The following ADCYAP1 variants were observed in gnomAD, a reference collection of about 807,000 sequenced individuals.
The protein encoded by ADCYAP1 is adenylate cyclase activating polypeptide 1, also known as pituitary adenylate cyclase-activating polypeptide.
Under a neutral mutation model 18.5 loss-of-function variants are expected in ADCYAP1, and 6 were observed. The observed-to-expected ratio is 0.32, with a 90% confidence interval of 0.18 to 0.64. The LOEUF is 0.64. ADCYAP1 is among the 30% of genes least tolerant of loss of function. The pLI, the probability that ADCYAP1 is intolerant of heterozygous loss-of-function variation, is 0.77. For missense variants in ADCYAP1, 314 were observed against 253.6 expected, an observed-to-expected ratio of 1.24 and a Z score of -1.62; for synonymous variants, 136 against 113.9, an observed-to-expected ratio of 1.19 and a Z score of -1.24.
chr18:904,833 G>T (rs1376354735), upstream of ADCYAP1: 1 of 1,285,164 alleles, frequency 7.8e-7, no homozygotes, highest in South Asian at 1.2e-5. Context: ...TCCGTGTCAC[G>T]CTCCCTCCTG....
Position 907,751 on chromosome 18 carries a change from C to T in ADCYAP1, c.203C>T (p.Pro68Leu), listed in dbSNP as rs752361230. The T allele has an allele frequency of 1.3e-6, 2 of 1,503,754 alleles. No homozygotes were observed. Among genetic ancestry groups the T allele is most frequent in the South Asian group, 1.3e-5 (1 of 79,996 alleles). The allele number at this position is 1,503,754 out of a possible 1,614,324, so 93.2% of individuals were successfully genotyped here. A position where few individuals can be genotyped will look rare whatever the true frequency, so the allele number is the denominator to read the frequency against. Residue 68 changes from proline (P) to leucine (L), a missense_variant, in exon 3 of 5, where the codon CCG becomes CTG. Coordinates refer to ENST00000450565, the MANE Select transcript of ADCYAP1 (RefSeq NM_001099733.2). ...GGCGCAGGGAGCCCCGCCTCCGCGC[C>T]GCGCGCCGCCGCCGCCTGGTACCGC... ...PPGAGSPASA[P>L]RAAAAWYRPA...
Position 905,160 on chromosome 18 carries a change from C to T in ADCYAP1, c.-2+100C>T, listed in dbSNP as rs529312025. 3 of 1,403,240 alleles carry T rather than the reference C, an allele frequency of 2.1e-6. No homozygotes were observed. The East Asian group carries it at 8.0e-5, about 38-fold the overall frequency. 86.9% of individuals were successfully genotyped at this position (1,403,240 alleles called of 1,614,324 possible). ...GGAGTTAGCTTTCCTTCAGCCGGGT[C>T]TGGCTAGTTATTGGGCGCCGGGTAG... is the stretch of plus-strand genomic sequence containing the variant. On this transcript the variant is annotated intron_variant, in intron 1 of 4. Coordinates refer to ENST00000450565, the MANE Select transcript of ADCYAP1 (RefSeq NM_001099733.2).
chr18:907,244 G>A (rs1034522437), intron 2 of ADCYAP1, among the ~76,000 whole-genome samples: 1 of 152,214 alleles, frequency 6.6e-6, no homozygotes, highest in Non-Finnish European at 1.5e-5. Context: ...CTCCCCATTC[G>A]GGTCTTCGCG....
In ADCYAP1 at chr18:907,674, G is replaced by A. The variant is rs8192597; in HGVS notation, c.126G>A (p.Ala42=). The A allele has an allele frequency of 0.71, 1,127,289 of 1,578,510 alleles. 405,027 individuals are homozygous for A. The highest frequency in any genetic ancestry group is 0.85 in the East Asian group (36,677 of 42,912). Residue 42 remains alanine (A), a synonymous_variant, in exon 3 of 5, where the codon GCG becomes GCA. Coordinates refer to ENST00000450565, the MANE Select transcript of ADCYAP1 (RefSeq NM_001099733.2). ...RFPGIRPEEE[A]YGEDGNPLPD... ...CACCCCGCAGGCCAGAGGAAGAGGC[G>A]TACGGCGAGGACGGAAACCCGCTGC... is the stretch of plus-strand genomic sequence containing the variant.
rs1265450015 is a variant in ADCYAP1, at chr18:911,733, A to G, written c.*2098A>G. 1.3e-5 allele frequency: 2 copies of G among 152,208 alleles called. No homozygotes were observed. Among genetic ancestry groups the G allele is most frequent in the African/African-American group, 2.4e-5 (1 of 41,452 alleles). 9.4% of individuals were successfully genotyped at this position (152,208 alleles called of 1,614,324 possible). On this transcript the variant is annotated 3_prime_UTR_variant, in exon 5 of 5. Coordinates refer to ENST00000450565, the MANE Select transcript of ADCYAP1 (RefSeq NM_001099733.2). ...CCTTTTAAATTGCCACGAATCACAG[A>G]TGGCTATTTAGTGGCCCTACAATGC...
At chr18:909,420 C>T in intron 4 of ADCYAP1, 26 bp from the exon 5 acceptor site, 1 of 1,600,302 alleles carries the variant, frequency 6.2e-7, no homozygotes, top group Non-Finnish European at 8.5e-7. Context: ...GCCCCGCCAC[C>T]CTCTTCCCGA....
Position 905,019 on chromosome 18 carries a change from G to C in ADCYAP1, c.-43G>C. On this transcript the variant is annotated 5_prime_UTR_variant, in exon 1 of 5. Transcript: ENST00000450565. ...AACTTGAAGAAGCGCTTTGCCCGCCGTCCTACCTGGCAGCTCTCCTGGCAG... is the reference window on the plus strand; with the variant it reads ...AACTTGAAGAAGCGCTTTGCCCGCCCTCCTACCTGGCAGCTCTCCTGGCAG... 7.7e-7 allele frequency: 1 copy of C among 1,295,404 alleles called. No homozygotes were observed. Among genetic ancestry groups the C allele is most frequent in the African/African-American group, 1.5e-5 (1 of 66,398 alleles). 80.2% of individuals were successfully genotyped at this position (1,295,404 alleles called of 1,614,324 possible).
chr18:908,203 C>T (rs1909250778), intron 3 of ADCYAP1, 62 bp from the exon 4 acceptor site: 2 of 1,467,240 alleles, frequency 1.4e-6, no homozygotes, highest in African/African-American at 1.4e-5. Flanking sequence ...ACAAGGGGGT[C>T]TCTAGCGGCC....
rs1555605516 is a variant in ADCYAP1 at position 905,200 on chromosome 18, A to ATAT, written c.-2+141_-2+142insATT. 25 of 1,410,086 alleles carry ATAT rather than the reference A, an allele frequency of 1.8e-5. No individual in the cohort carries two copies. The African/African-American group carries it at 2.5e-4, about 14-fold the overall frequency. 87.3% of individuals were successfully genotyped at this position (1,410,086 alleles called of 1,614,324 possible). A position where few individuals can be genotyped will look rare whatever the true frequency, so the allele number is the denominator to read the frequency against. ...GCGCCGGGTAGATGCATATATATAT[A>ATAT]TTTTTTTCTAACTATAGCAAGCAAG... On this transcript the variant is annotated intron_variant, in intron 1 of 4. Coordinates refer to ENST00000450565, the MANE Select transcript of ADCYAP1 (RefSeq NM_001099733.2).
rs1909124165 is a variant in ADCYAP1 at position 905,394 on chromosome 18, T to C, written c.8T>C (p.Met3Thr). 1.2e-6 allele frequency: 2 copies of C among 1,613,050 alleles called. No individual in the cohort carries two copies. Among genetic ancestry groups the C allele is most frequent in the Non-Finnish European group, 1.7e-6 (2 of 1,179,986 alleles). The change falls in exon 2 of 5, where the codon ATG becomes ACG. Residue 3 changes from methionine (M) to threonine (T), a missense_variant. Transcript: ENST00000450565. The part of the protein sequence containing the change: MT[M>T]CSGARLALLV... ...TTTCCCATCCTGCGCAGAATGACCATGTGTAGCGGAGCGAGGCTGGCCCTG... is the reference window on the plus strand; with the variant it reads ...TTTCCCATCCTGCGCAGAATGACCACGTGTAGCGGAGCGAGGCTGGCCCTG...
At position 904,953 on chromosome 18, in the gene ADCYAP1, GC is replaced by G; in HGVS notation, c.-107del. 7.7e-7 allele frequency: 1 copy of G among 1,290,800 alleles called. No homozygotes were observed. The highest frequency in any genetic ancestry group is 1.0e-6 in the Non-Finnish European group (1 of 989,912). The allele number at this position is 1,290,800 out of a possible 1,614,324, so 80.0% of individuals were successfully genotyped here. A position where few individuals can be genotyped will look rare whatever the true frequency, so the allele number is the denominator to read the frequency against. On this transcript the variant is annotated 5_prime_UTR_variant, in exon 1 of 5. Coordinates refer to ENST00000450565, the MANE Select transcript of ADCYAP1 (RefSeq NM_001099733.2). ...CTGCGGCTTCTGCTCAGACACCAAC[GC>G]CAGACGGCGATGCCTCTCGGGTGGT...
chr18:906,058 G>T (rs778338638), intron 2 of ADCYAP1: 1 of 153,592 alleles, frequency 6.5e-6, no homozygotes, highest in African/African-American at 2.4e-5. Context: ...CTGTCTTGGG[G>T]GGCGTGCGGT....
At chr18:904,817 C>A (rs1348386027), upstream of ADCYAP1, 5 of 1,286,592 alleles carry the variant, frequency 3.9e-6, no homozygotes, top group African/African-American at 3.0e-5. Context: ...TCTGCGCCCC[C>A]TTCTCTCCGT....
At chr18:907,602 G>A in intron 2 of ADCYAP1, 57 bp from the exon 3 acceptor site, 1 of 1,528,560 alleles carries the variant, frequency 6.5e-7, no homozygotes, top group Non-Finnish European at 8.7e-7. Context: ...TTGGATCCTC[G>A]CCGAGCTGGG....
upstream of ADCYAP1, chr18:904,578 CG>C: frequency 7.8e-7 from 1 of 1,287,552 alleles, no homozygotes; most frequent in Non-Finnish European, 1.0e-6. Context: ...CAGAGGCAGC[CG>C]GAGAGACCTC....
intron 2 of ADCYAP1, chr18:907,435 C>G: frequency 2.3e-6 from 1 of 442,158 alleles, no homozygotes; most frequent in East Asian, 4.1e-5. Flanking sequence ...GACCCTTTAC[C>G]CGCGAAGGGG....
At chr18:908,831 A>G (rs1430946562) in intron 4 of ADCYAP1, among the ~76,000 whole-genome samples, 1 of 152,190 alleles carries the variant, frequency 6.6e-6, no homozygotes, top group Non-Finnish European at 1.5e-5. Flanking sequence ...GGCTTGTGTG[A>G]AGCCTATCTC....
upstream of ADCYAP1, chr18:904,831 A>G (rs907076868): frequency 7.8e-7 from 1 of 1,285,924 alleles, no homozygotes; most frequent in Non-Finnish European, 1.0e-6. Context: ...TCTCCGTGTC[A>G]CGCTCCCTCC....
rs995006006 is a variant in ADCYAP1 at position 911,662 on chromosome 18, G to T, written c.*2027G>T. The T allele has an allele frequency of 6.6e-6, 1 of 152,144 alleles. No individual in the cohort carries two copies. Among genetic ancestry groups the T allele is most frequent in the Non-Finnish European group, 1.5e-5 (1 of 68,036 alleles). The allele number at this position is 152,144 out of a possible 1,614,324, so 9.4% of individuals were successfully genotyped here. On this transcript the variant is annotated 3_prime_UTR_variant, in exon 5 of 5. Coordinates refer to ENST00000450565, the MANE Select transcript of ADCYAP1 (RefSeq NM_001099733.2). ...TCCTTTAATTCCGCAGTCTCCTCAGGCAATGTGACACGGGATGCAGTTTGC... is the reference window on the plus strand; with the variant it reads ...TCCTTTAATTCCGCAGTCTCCTCAGTCAATGTGACACGGGATGCAGTTTGC...
Sources: gnomAD v4.1 joint callset for allele counts (sites outside exome capture counted in the v4.1 genomes callset) on GRCh38, gnomAD v4.1.1 for gene constraint, MANE v1.5 for transcripts, NCBI Gene and HGNC (gene_info 2026-07-23, HGNC 2026-07-21) for gene names.